Variants in ADNP2 observed in about 807,000 individuals in gnomAD.
ADNP2 encodes ADNP homeobox 2.
In ADNP2, 8 loss-of-function variants were observed where a neutral mutation model predicts 16.4. The observed-to-expected ratio is 0.49, with a 90% CI of 0.29 to 0.88. The LOEUF is 0.88. ADNP2 is among the 40% of genes least tolerant of loss of function. The pLI is 0.09. For synonymous variants in ADNP2, 637 were observed against 545.8 expected, an observed-to-expected ratio of 1.17 and a Z score of -2.33; for missense variants, 1,397 against 1,395.1, an observed-to-expected ratio of 1.00 and a Z score of -0.02.
intron 2 of ADNP2, among the ~76,000 whole-genome samples, chr18:80,124,669 T>G (rs940680511): frequency 4.6e-5 from 7 of 152,084 alleles, no homozygotes; most frequent in African/African-American, 1.4e-4. Context: ...CTTCAGCCCT[T>G]CTCCCTGCCC....
At position 80,138,842 on chromosome 18, in the gene ADNP2, G is replaced by A. The variant is rs1769833033; in HGVS notation, c.*33G>A. ...AAAAAAAAAAAAAAGTAACTCTAAAGTAGTAGGTAGATTTTTTTCAGTTGA... is the reference window on the plus strand; with the variant it reads ...AAAAAAAAAAAAAAGTAACTCTAAAATAGTAGGTAGATTTTTTTCAGTTGA... On this transcript the variant is annotated 3_prime_UTR_variant, in exon 4 of 4. Transcript: ENST00000262198. 26 of 1,430,334 alleles carry A rather than the reference G, an allele frequency of 1.8e-5. No individual in the cohort carries two copies. The highest frequency in any genetic ancestry group is 2.6e-4 in the Middle Eastern group (1 of 3,870). The allele number at this position is 1,430,334 out of a possible 1,614,324, so 88.6% of individuals were successfully genotyped here.
Position 80,137,377 on chromosome 18 carries a change from C to T in ADNP2, c.1964C>T (p.Ser655Phe). The change falls in exon 4 of 4, where the codon TCC becomes TTC. Residue 655 changes from serine to phenylalanine, a missense_variant. Ser to Phe is a radical substitution (Grantham distance 155). Transcript: ENST00000262198. This position sits in a 1 kb window ranked among gnomAD's most constrained non-coding sequence, Gnocchi z 4.2. ...GGTGCAGCTGCACCAATGGCCGGTT[C>T]CATGCCCGGCATGCCCTCTCCTCCA... The part of the protein sequence containing the change: ...PSGAAAPMAG[S>F]MPGMPSPPVL... 6.2e-7 allele frequency: 1 copy of T among 1,614,206 alleles called. No homozygotes were observed.
In ADNP2 at chr18:80,137,816, G is replaced by A. The variant is rs1455582138; in HGVS notation, c.2403G>A (p.Met801Ile). The A allele has an allele frequency of 6.2e-7, 1 of 1,614,014 alleles. No individual in the cohort carries two copies. Among genetic ancestry groups the A allele is most frequent in the Non-Finnish European group, 8.5e-7 (1 of 1,180,038 alleles). ...NRHLGKKKLP[M>I]DYSNRGFQLD... ...ACCTGGGGAAGAAGAAGTTGCCTAT[G>A]GATTATAGCAACAGAGGTTTTCAAT... Residue 801 changes from methionine to isoleucine, a missense_variant, in exon 4 of 4, where the codon ATG becomes ATA. By Grantham distance (10) the Met-to-Ile change is conservative. Transcript: ENST00000262198. This position sits in a 1 kb window ranked among gnomAD's most constrained non-coding sequence, Gnocchi z 4.2.
At chr18:80,126,127 A>G (rs2052457028) in intron 2 of ADNP2, among the ~76,000 whole-genome samples, 2 of 151,752 alleles carry the variant, frequency 1.3e-5, no homozygotes, top group Non-Finnish European at 2.9e-5. Flanking sequence ...TTTTTATTCC[A>G]TTTTATCTCT....
In ADNP2 at chr18:80,114,616, C is replaced by G. The variant is rs371912153; in HGVS notation, c.-13-2914C>G. Among the ~76,000 whole-genome samples, 21 of 152,274 alleles carry G rather than the reference C, an allele frequency of 1.4e-4. No homozygotes were observed. The South Asian group carries it at 4.4e-3, about 32-fold the overall frequency. On this transcript the variant is annotated intron_variant, in intron 1 of 3. Coordinates refer to ENST00000262198, the MANE Select transcript of ADNP2 (RefSeq NM_014913.4). The stretch of plus-strand genomic sequence containing the variant: ...ATCAAAATCAGGAAATCACTACATT[C>G]GAGCGGGTTATAGTCTATATAACTA...
At chr18:80,121,285 G>C (rs34302527) in intron 2 of ADNP2, among the ~76,000 whole-genome samples, 27,503 of 151,750 alleles carry the variant, frequency 0.18, 2,759 homozygotes, top group Middle Eastern at 0.25. Context: ...TTGCATTTCC[G>C]TAGACAAATG....
Position 80,136,776 on chromosome 18 carries a change from A to C in ADNP2, c.1363A>C (p.Thr455Pro), listed in dbSNP as rs769325379. 6.3e-7 allele frequency: 1 copy of C among 1,597,004 alleles called. No homozygotes were observed. ...PSGVLPAGQM[T>P]PAGQMTPAGV... Reference sequence around the variant, plus strand: ...TGGAGTCCTTCCTGCAGGCCAGATGACTCCTGCAGGCCAGATGACTCCTGC... The same window carrying C: ...TGGAGTCCTTCCTGCAGGCCAGATGCCTCCTGCAGGCCAGATGACTCCTGC... The change falls in exon 4 of 4, where the codon ACT becomes CCT. Residue 455 changes from threonine to proline, a missense_variant. Around this residue, in one of 3 missense-constraint regions of ADNP2, gnomAD observed 777 missense variants for 719.4 expected, o/e 1.08. Coordinates refer to ENST00000262198, the MANE Select transcript of ADNP2 (RefSeq NM_014913.4).
At chr18:80,118,481 T>C (rs2145194280) in intron 2 of ADNP2, among the ~76,000 whole-genome samples, 1 of 152,272 alleles carries the variant, frequency 6.6e-6, no homozygotes, top group Non-Finnish European at 1.5e-5. Context: ...GTAATGACAT[T>C]TTTGTCTCGT....
intron 3 of ADNP2, among the ~76,000 whole-genome samples, 190 bp from the exon 4 acceptor site, chr18:80,135,422 C>T (rs1466627186): frequency 6.6e-6 from 1 of 152,002 alleles, no homozygotes; most frequent in Non-Finnish European, 1.5e-5. Flanking sequence ...ACTGTATGGC[C>T]CACAGTCCTA....
At chr18:80,128,062 T>C (rs1002418790) in intron 2 of ADNP2, among the ~76,000 whole-genome samples, 2 of 152,260 alleles carry the variant, frequency 1.3e-5, no homozygotes, top group African/African-American at 4.8e-5. Flanking sequence ...AATAGTGAAT[T>C]CTTGCTTTCT....
chr18:80,138,432 G>C lies in ADNP2; in HGVS notation c.3019G>C (p.Gly1007Arg). 6.2e-7 allele frequency: 1 copy of C among 1,614,048 alleles called. No homozygotes were observed. Among genetic ancestry groups the C allele is most frequent in the Non-Finnish European group, 8.5e-7 (1 of 1,180,038 alleles). Reference sequence around the variant, plus strand: ...CATCCTAAATGCCGATGCAGCCCCGGGTCCAGAAAAGGTGACGAGTGTTGT... The same window carrying C: ...CATCCTAAATGCCGATGCAGCCCCGCGTCCAGAAAAGGTGACGAGTGTTGT... ...PPILNADAAP[G>R]PEKVTSVVPF... is the part of the protein sequence containing the mutation. Residue 1007 changes from glycine to arginine, a missense_variant, in exon 4 of 4, where the codon GGT (glycine) becomes CGT (arginine). By Grantham distance (125) the Gly-to-Arg change is moderately radical. Transcript: ENST00000262198.
Position 80,138,881 on chromosome 18 carries a change from T to C in ADNP2, c.*72T>C. ...TTTTTCAGTTGAAATTTCACAGTGTTGTCCTCACTGTGTTGGTGAATCAAC... is the reference window on the plus strand; with the variant it reads ...TTTTTCAGTTGAAATTTCACAGTGTCGTCCTCACTGTGTTGGTGAATCAAC... On this transcript the variant is annotated 3_prime_UTR_variant, in exon 4 of 4. Coordinates refer to ENST00000262198, the MANE Select transcript of ADNP2 (RefSeq NM_014913.4). 7.6e-7 allele frequency: 1 copy of C among 1,311,686 alleles called. No individual in the cohort carries two copies. The highest frequency in any genetic ancestry group is 1.6e-5 in the South Asian group (1 of 61,542). The allele number at this position is 1,311,686 out of a possible 1,614,324, so 81.3% of individuals were successfully genotyped here.
rs920678692 is a variant in ADNP2, at chr18:80,109,341, G to C, written c.-145G>C. Reference sequence around the variant, plus strand: ...TGGGGGTGGGCGCGCGCTGAGGCGGGGGTCCCGCCGCGCGGGGCGGAGGCG... The same window carrying C: ...TGGGGGTGGGCGCGCGCTGAGGCGGCGGTCCCGCCGCGCGGGGCGGAGGCG... On this transcript the variant is annotated 5_prime_UTR_variant, in exon 1 of 4. Coordinates refer to ENST00000262198, the MANE Select transcript of ADNP2 (RefSeq NM_014913.4). 6.7e-6 allele frequency: 1 copy of C among 150,222 alleles called. No individual in the cohort carries two copies. The highest frequency in any genetic ancestry group is 1.5e-5 in the Non-Finnish European group (1 of 67,430). 9.3% of individuals were successfully genotyped at this position (150,222 alleles called of 1,614,324 possible). A position where few individuals can be genotyped will look rare whatever the true frequency, so the allele number is the denominator to read the frequency against.
chr18:80,137,559 C>T lies in ADNP2; in HGVS notation c.2146C>T (p.His716Tyr). The change falls in exon 4 of 4, where the codon CAT becomes TAT. Residue 716 changes from histidine to tyrosine, a missense_variant. Transcript: ENST00000262198. This position sits in a 1 kb window ranked among gnomAD's most constrained non-coding sequence, Gnocchi z 4.2. Reference sequence around the variant, plus strand: ...CTACCAGGTCCACATGGAGGTAGCGCATAAGCACAGCGAGTCCAAGTCTGG... The same window carrying T: ...CTACCAGGTCCACATGGAGGTAGCGTATAAGCACAGCGAGTCCAAGTCTGG... The part of the protein sequence containing the change: ...NVYQVHMEVA[H>Y]KHSESKSGEK... The T allele has an allele frequency of 6.2e-7, 1 of 1,614,238 alleles. No homozygotes were observed. Among genetic ancestry groups the T allele is most frequent in the Non-Finnish European group, 8.5e-7 (1 of 1,180,046 alleles).
chr18:80,115,536 A>G (rs1310814882), intron 1 of ADNP2, among the ~76,000 whole-genome samples: 20 of 152,118 alleles, frequency 1.3e-4, no homozygotes, highest in Non-Finnish European at 5.9e-5. Flanking sequence ...CAATGAGTTC[A>G]CTTCAGTAAC....
At position 80,135,614 on chromosome 18, in the gene ADNP2, A is replaced by C. The variant is rs1873410257; in HGVS notation, c.201A>C (p.Arg67Ser). Residue 67 changes from arginine (R) to serine (S), a missense_variant and splice_region_variant, in exon 4 of 4, where the codon AGA becomes AGC. Arg to Ser is a moderately radical substitution (Grantham distance 110, BLOSUM62 -1). Coordinates refer to ENST00000262198, the MANE Select transcript of ADNP2 (RefSeq NM_014913.4). ...AAGGCTTTCTTTTCTTTTAACAGAG[A>C]TATCGAACAAAGCCATACTGTTGTG... ...SLWEPSGKKV[R>S]YRTKPYCCGL... The C allele has an allele frequency of 6.2e-7, 1 of 1,606,600 alleles. No homozygotes were observed. Among genetic ancestry groups the C allele is most frequent in the South Asian group, 1.1e-5 (1 of 90,132 alleles).
chr18:80,132,919 C>T (rs2052507471), intron 2 of ADNP2, among the ~76,000 whole-genome samples, 184 bp from the exon 3 acceptor site: 1 of 152,092 alleles, frequency 6.6e-6, no homozygotes, highest in Non-Finnish European at 1.5e-5. Flanking sequence ...TGGAGTTTCG[C>T]CATGTTGGCC....
Position 80,135,659 on chromosome 18 carries a change from A to G in ADNP2, c.246A>G (p.Thr82=). ...PYCCGLCKYS[T]KVLTSFKNHL... ...GTTGTGGCCTCTGTAAATACTCTACAAAGGTGCTTACTTCATTCAAGAATC... is the reference window on the plus strand; with the variant it reads ...GTTGTGGCCTCTGTAAATACTCTACGAAGGTGCTTACTTCATTCAAGAATC... The change falls in exon 4 of 4, where the codon ACA becomes ACG. Residue 82 remains threonine, a synonymous_variant. Coordinates refer to ENST00000262198, the MANE Select transcript of ADNP2 (RefSeq NM_014913.4). 4 of 1,614,222 alleles carry G rather than the reference A, an allele frequency of 2.5e-6. No individual in the cohort carries two copies. Among genetic ancestry groups the G allele is most frequent in the Non-Finnish European group, 3.4e-6 (4 of 1,180,032 alleles).
chr18:80,137,567 C>T lies in ADNP2; in HGVS notation c.2154C>T (p.His718=). ...YQVHMEVAHK[H]SESKSGEKLE... is the part of the protein sequence containing the mutation. ...TCCACATGGAGGTAGCGCATAAGCA[C>T]AGCGAGTCCAAGTCTGGTGAGAAAC... Residue 718 remains histidine, a synonymous_variant, in exon 4 of 4, where the codon CAC becomes CAT. Coordinates refer to ENST00000262198, the MANE Select transcript of ADNP2 (RefSeq NM_014913.4). This position sits in a 1 kb window ranked among gnomAD's most constrained non-coding sequence, Gnocchi z 4.2. 6 of 1,614,248 alleles carry T rather than the reference C, an allele frequency of 3.7e-6. No homozygotes were observed. The highest frequency in any genetic ancestry group is 5.1e-6 in the Non-Finnish European group (6 of 1,180,052).
Sources: gnomAD v4.1 joint callset for allele counts (sites outside exome capture counted in the v4.1 genomes callset) on GRCh38, gnomAD v4.1.1 for gene constraint, gnomAD v4.1.1 regional missense constraint, Gnocchi (gnomAD v3.1) non-coding constraint, MANE v1.5 for transcripts, NCBI Gene and HGNC (gene_info 2026-07-23, HGNC 2026-07-21) for gene names.